CAMTA1: variants seen among roughly 807,000 people sequenced by gnomAD.
CAMTA1 encodes calmodulin binding transcription activator 1.
Under a neutral mutation model 170.9 loss-of-function variants are expected in CAMTA1, and 27 were observed. That is an observed-to-expected ratio of 0.16 (90% CI 0.12 to 0.22). CAMTA1 has a LOEUF of 0.22. Among genes scored for constraint, CAMTA1 ranks in the 10% least tolerant of loss-of-function variants. The pLI is 1.00. For missense variants in CAMTA1, 1,619 were observed against 2,217.2 expected (o/e 0.73, Z 5.42); for synonymous variants, 833 against 891.5 (o/e 0.93, Z 1.17).
intron 5 of CAMTA1, among the ~76,000 whole-genome samples, chr1:7,429,434 TG>T (rs1310229169): frequency 6.6e-6 from 1 of 152,130 alleles, no homozygotes; most frequent in Non-Finnish European, 1.5e-5. Flanking sequence ...ATTATATCAA[TG>T]ATGGTGATTA....
intron 11 of CAMTA1, among the ~76,000 whole-genome samples, chr1:7,695,685 G>A (rs1408976480): frequency 2.6e-5 from 4 of 152,138 alleles, no homozygotes; most frequent in African/African-American, 9.7e-5. Context: ...CACCATGAGG[G>A]GCCACAGTGA....
At chr1:7,151,531 G>A (rs1340403251) in intron 4 of CAMTA1, among the ~76,000 whole-genome samples, 2 of 152,140 alleles carry the variant, frequency 1.3e-5, no homozygotes, top group Non-Finnish European at 2.9e-5. Context: ...CTCCGAGACG[G>A]GAGCTGCTTT....
At chr1:7,481,851 A>C (rs1468078585) in intron 6 of CAMTA1, among the ~76,000 whole-genome samples, 1 of 150,320 alleles carries the variant, frequency 6.7e-6, no homozygotes, top group African/African-American at 2.5e-5. Context: ...GAAACAATTG[A>C]ATGCATACAT....
At chr1:7,395,604 A>G (rs2089235228) in intron 5 of CAMTA1, among the ~76,000 whole-genome samples, 1 of 152,152 alleles carries the variant, frequency 6.6e-6, no homozygotes, top group Non-Finnish European at 1.5e-5. Flanking sequence ...ATCTGTTTCT[A>G]TGAACAATGT....
intron 3 of CAMTA1, among the ~76,000 whole-genome samples, chr1:6,845,658 G>A (rs1657800047): frequency 6.6e-6 from 1 of 152,198 alleles, no homozygotes. Flanking sequence ...TTGGAGATAT[G>A]GAAGTTTCAG....
chr1:7,189,683 T>C (rs1190794266), intron 4 of CAMTA1, among the ~76,000 whole-genome samples: 1 of 152,208 alleles, frequency 6.6e-6, no homozygotes, highest in Admixed American at 6.5e-5. Context: ...GCACTGCTGG[T>C]GGGAATGTAA....
rs1336254979 is a variant in CAMTA1 at position 7,547,356 on chromosome 1, A to G, written c.510+79455A>G. Among the ~76,000 whole-genome samples the G allele has an allele frequency of 6.6e-5, 6 of 91,048 alleles. No homozygotes were observed. The highest frequency in any genetic ancestry group is 2.0e-4 in the African/African-American group (6 of 30,312). The allele number at this position is 91,048 out of a possible 152,430, so 59.7% of individuals were successfully genotyped here. On this transcript the variant is annotated intron_variant, in intron 6 of 22. Coordinates refer to ENST00000303635, the MANE Select transcript of CAMTA1 (RefSeq NM_015215.4). The surrounding 1 kb of genome is among the most constrained non-coding windows in gnomAD (Gnocchi z 5.7). ...GAATATATGTATCATATGCACACAC[A>G]CACACACACACACACACACACACAC...
chr1:6,832,330 G>T (rs1182110781), intron 3 of CAMTA1, among the ~76,000 whole-genome samples: 1 of 152,072 alleles, frequency 6.6e-6, no homozygotes, highest in Admixed American at 6.6e-5. Flanking sequence ...GCTTGCCTTG[G>T]CCCCTCAAAG....
intron 4 of CAMTA1, among the ~76,000 whole-genome samples, chr1:7,108,808 T>C (rs79819825): frequency 0.027 from 4,084 of 152,326 alleles, 175 homozygotes; most frequent in African/African-American, 0.093. Context: ...ATAACACTTA[T>C]GTATCATTTT....
At chr1:7,241,040 A>G (rs956046324) in intron 4 of CAMTA1, among the ~76,000 whole-genome samples, 1 of 152,232 alleles carries the variant, frequency 6.6e-6, no homozygotes, top group Middle Eastern at 3.2e-3. Flanking sequence ...TATGTAAACT[A>G]TCCTAAAGAA....
chr1:7,352,577 T>C (rs1225671023), intron 5 of CAMTA1, among the ~76,000 whole-genome samples: 5 of 152,172 alleles, frequency 3.3e-5, no homozygotes, highest in Admixed American at 1.3e-4. Context: ...TCCTTGGCCA[T>C]CCACCCATGG....
intron 5 of CAMTA1, among the ~76,000 whole-genome samples, chr1:7,462,748 G>A (rs1326798257): frequency 6.6e-6 from 1 of 152,158 alleles, no homozygotes; most frequent in Non-Finnish European, 1.5e-5. Flanking sequence ...CCCTGGCAGG[G>A]ACCTAGTAAC....
chr1:6,890,632 A>G (rs947051603), intron 3 of CAMTA1, among the ~76,000 whole-genome samples: 2 of 150,550 alleles, frequency 1.3e-5, no homozygotes, highest in Non-Finnish European at 2.9e-5. Flanking sequence ...GTGCAGTGGT[A>G]TGATCACAGC....
chr1:7,208,965 C>T (rs1658265420), intron 4 of CAMTA1, among the ~76,000 whole-genome samples: 1 of 152,150 alleles, frequency 6.6e-6, no homozygotes, highest in Admixed American at 6.5e-5. Flanking sequence ...TTGACTCTGT[C>T]CTGGGTGGGG....
intron 6 of CAMTA1, among the ~76,000 whole-genome samples, chr1:7,569,447 C>A (rs1576132790): frequency 6.6e-6 from 1 of 151,796 alleles, no homozygotes; most frequent in Admixed American, 6.6e-5. Flanking sequence ...TCTCCATTAT[C>A]ATCACCACCA....
At chr1:7,419,681 T>C (rs2091432895) in intron 5 of CAMTA1, among the ~76,000 whole-genome samples, 2 of 152,072 alleles carry the variant, frequency 1.3e-5, no homozygotes, top group South Asian at 4.2e-4. Flanking sequence ...GACCTGGACG[T>C]TTGCATTTCA....
intron 5 of CAMTA1, among the ~76,000 whole-genome samples, chr1:7,318,185 T>C (rs1051356944): frequency 2.6e-5 from 4 of 152,204 alleles, no homozygotes; most frequent in African/African-American, 9.6e-5. Context: ...TTCCTCCAAA[T>C]AAGGCAGAAA....
intron 3 of CAMTA1, among the ~76,000 whole-genome samples, chr1:6,868,344 CAAAACAAAAAACGACTGTATAGGGTT>C (rs1427353968): frequency 1.6e-4 from 21 of 134,170 alleles, no homozygotes; most frequent in African/African-American, 5.6e-4. Flanking sequence ...CAAAACAAAA[CAAAACAAAAAACGACTGTATAGGGTT>C]AAAAAACGAC....
rs1208001659 is a variant in CAMTA1 at position 7,443,378 on chromosome 1, A to C, written c.439-24452A>C. ...TACTTGTTGAGTTAGTAGATGCTGC[A>C]TCAAGGTGGCCTTGGGAGCACGTGG... On this transcript the variant is annotated intron_variant, in intron 5 of 22. Transcript: ENST00000303635. The surrounding 1 kb of genome is among the most constrained non-coding windows in gnomAD (Gnocchi z 4.1). Among the ~76,000 whole-genome samples the C allele has an allele frequency of 6.6e-6, 1 of 152,212 alleles. No homozygotes were observed. Among genetic ancestry groups the C allele is most frequent in the African/African-American group, 2.4e-5 (1 of 41,458 alleles).
Sources: gnomAD v4.1 joint callset for allele counts (sites outside exome capture counted in the v4.1 genomes callset) on GRCh38, gnomAD v4.1.1 for gene constraint, Gnocchi (gnomAD v3.1) non-coding constraint, MANE v1.5 for transcripts, NCBI Gene and HGNC (gene_info 2026-07-23, HGNC 2026-07-21) for gene names.